Variants in BTBD8 observed in about 807,000 individuals in gnomAD.
BTBD8 encodes BTB domain containing 8.
In BTBD8, 110 loss-of-function variants were observed where a neutral mutation model predicts 162.9. The observed-to-expected ratio is 0.68, with a 90% CI of 0.58 to 0.79. The LOEUF is 0.79. Ranked by LOEUF, BTBD8 falls within the 30% of genes least tolerant of loss-of-function variation. The pLI is 0.00. For missense variants in BTBD8, 1,905 were observed against 2,085.4 expected (o/e 0.91, Z 1.68); for synonymous variants, 667 against 716.1 (o/e 0.93, Z 1.10).
Position 92,176,841 on chromosome 1 carries a change from G to A in BTBD8, c.1648G>A (p.Val550Ile). The A allele has an allele frequency of 1.4e-6, 2 of 1,421,026 alleles. No individual in the cohort carries two copies. The highest frequency in any genetic ancestry group is 1.9e-6 in the Non-Finnish European group (2 of 1,079,318). The allele number at this position is 1,421,026 out of a possible 1,614,324, so 88.0% of individuals were successfully genotyped here. Residue 550 changes from valine to isoleucine, a missense_variant, in exon 14 of 18, where the codon GTT (valine) becomes ATT (isoleucine). Around this residue, in one of 3 missense-constraint regions of BTBD8, gnomAD observed 1,374 missense variants for 1,442.7 expected, o/e 0.95. Coordinates refer to ENST00000636805, the MANE Select transcript of BTBD8 (RefSeq NM_001376131.1). ...TTCTTTTTTATAGCAAAGGAAACAA[G>A]TTTCTGACTCTGGTGATATAAAAAT... ...IFSSSQQRKQ[V>I]SDSGDIKIKS...
chr1:92,124,957 T>C (rs1649313694), intron 4 of BTBD8, among the ~76,000 whole-genome samples: 1 of 152,136 alleles, frequency 6.6e-6, no homozygotes, highest in South Asian at 2.1e-4. Flanking sequence ...TCCCTATTTT[T>C]ATTTTTATTT....
intron 2 of BTBD8, among the ~76,000 whole-genome samples, chr1:92,098,539 T>C (rs1379438474): frequency 6.6e-6 from 1 of 152,204 alleles, no homozygotes; most frequent in Non-Finnish European, 1.5e-5. Flanking sequence ...CACCAGCATG[T>C]ACAAAATTTC....
chr1:92,087,866 C>G (rs1648201098), intron 1 of BTBD8, among the ~76,000 whole-genome samples: 1 of 152,068 alleles, frequency 6.6e-6, no homozygotes, highest in South Asian at 2.1e-4. Flanking sequence ...GAATGCATAC[C>G]TTGCTGATGA....
At chr1:92,141,280 ACT>A in intron 7 of BTBD8, 69 bp downstream of exon 7, 1 of 1,458,670 alleles carries the variant, frequency 6.9e-7, no homozygotes. Flanking sequence ...TAGATTTTTA[ACT>A]CTGATAGTAA....
chr1:92,147,170 T>C lies in BTBD8; in HGVS notation c.931-10T>C. On this transcript the variant is annotated splice_polypyrimidine_tract_variant and intron_variant, in intron 7 of 17. Coordinates refer to ENST00000636805, the MANE Select transcript of BTBD8 (RefSeq NM_001376131.1). ...AAAGGAATAAATATGGTGTTTTCCA[T>C]CAATTTTAGCCTGTTCCCAGAACAT... 1 of 1,574,834 alleles carries C rather than the reference T, an allele frequency of 6.3e-7. No individual in the cohort carries two copies.
At chr1:92,139,753 G>A in intron 6 of BTBD8, 1 of 240,120 alleles carries the variant, frequency 4.2e-6, no homozygotes, top group Middle Eastern at 2.0e-3. Flanking sequence ...TTAAATTTTA[G>A]GATATCTTTT....
At chr1:92,080,757 T>G (rs1434051936) in intron 1 of BTBD8, 37 bp downstream of exon 1, 2 of 1,585,266 alleles carry the variant, frequency 1.3e-6, no homozygotes, top group African/African-American at 2.7e-5. Context: ...CTTCAGTTCC[T>G]AAATCGCCCA....
At chr1:92,123,549 T>G (rs1296422387) in intron 4 of BTBD8, among the ~76,000 whole-genome samples, 1 of 152,124 alleles carries the variant, frequency 6.6e-6, no homozygotes, top group African/African-American at 2.4e-5. Flanking sequence ...GTCTTACACA[T>G]TTTGTTACAT....
At chr1:92,086,812 G>C (rs1334337427) in intron 1 of BTBD8, among the ~76,000 whole-genome samples, 3 of 152,262 alleles carry the variant, frequency 2.0e-5, no homozygotes, top group Admixed American at 2.0e-4. Flanking sequence ...GACTTAGCAA[G>C]AAGGCCCTTG....
chr1:92,139,793 G>T (rs569211), intron 6 of BTBD8: 180,105 of 180,974 alleles, frequency 1, 89,623 homozygotes, highest in Middle Eastern at 1. Flanking sequence ...AAAAAACATA[G>T]TTAAGAATAT....
chr1:92,180,661 A>G lies in BTBD8; in HGVS notation c.2978A>G (p.Asn993Ser). 18 of 1,551,404 alleles carry G rather than the reference A, an allele frequency of 1.2e-5. No homozygotes were observed. Among genetic ancestry groups the G allele is most frequent in the Non-Finnish European group, 1.6e-5 (18 of 1,146,912 alleles). ...SEQKPHKPLI[N>S]LASEISDAEA... Reference sequence around the variant, plus strand: ...CAGAAGCCTCACAAACCTCTCATTAATCTTGCATCTGAAATAAGTGATGCA... The same window carrying G: ...CAGAAGCCTCACAAACCTCTCATTAGTCTTGCATCTGAAATAAGTGATGCA... The change falls in exon 17 of 18, where the codon AAT (asparagine) becomes AGT (serine). Residue 993 changes from asparagine (N) to serine (S), a missense_variant. Asn to Ser is a conservative substitution (Grantham distance 46). This residue lies in a region of BTBD8 where 1,374 missense variants were observed against 1,442.7 expected (regional missense o/e 0.95). Coordinates refer to ENST00000636805, the MANE Select transcript of BTBD8 (RefSeq NM_001376131.1).
Position 92,180,697 on chromosome 1 carries a change from A to G in BTBD8, c.3014A>G (p.Gln1005Arg). The change falls in exon 17 of 18, where the codon CAG becomes CGG. Residue 1005 changes from glutamine (Q) to arginine (R), a missense_variant. Physicochemically the swap from Gln to Arg is conservative, Grantham distance 43. This residue lies in a region of BTBD8 where 1,374 missense variants were observed against 1,442.7 expected (regional missense o/e 0.95). Coordinates refer to ENST00000636805, the MANE Select transcript of BTBD8 (RefSeq NM_001376131.1). ...GAAATAAGTGATGCAGAAGCACTCC[A>G]GTCATCCTGCAGGCCTGACCCACAA... Reference protein sequence around the residue: ...ASEISDAEALQSSCRPDPQKP... With the variant: ...ASEISDAEALRSSCRPDPQKP... The G allele has an allele frequency of 6.4e-7, 1 of 1,551,676 alleles. No individual in the cohort carries two copies. Among genetic ancestry groups the G allele is most frequent in the South Asian group, 1.2e-5 (1 of 84,050 alleles).
intron 10 of BTBD8, 74 bp downstream of exon 10, chr1:92,167,214 A>C: frequency 1.3e-6 from 2 of 1,495,060 alleles, no homozygotes; most frequent in Non-Finnish European, 1.8e-6. Context: ...AGAGCTTTTA[A>C]ATGCAGGTTG....
At chr1:92,159,301 A>G (rs1018497704) in intron 9 of BTBD8, among the ~76,000 whole-genome samples, 1 of 151,804 alleles carries the variant, frequency 6.6e-6, no homozygotes, top group Admixed American at 6.6e-5. Context: ...CAGCCTCCCA[A>G]GTAGCTGGGA....
intron 5 of BTBD8, among the ~76,000 whole-genome samples, chr1:92,135,807 T>G (rs116030621): frequency 0.012 from 1,765 of 152,292 alleles, 38 homozygotes; most frequent in African/African-American, 0.038. Flanking sequence ...TTATTTTTAT[T>G]TAGTCATTAT....
intron 4 of BTBD8, among the ~76,000 whole-genome samples, chr1:92,129,099 T>G (rs924164109): frequency 6.6e-6 from 1 of 152,070 alleles, no homozygotes; most frequent in African/African-American, 2.4e-5. Context: ...TGTCTTTAGC[T>G]ACCTTTTTAT....
chr1:92,109,023 G>A (rs2101908597), intron 4 of BTBD8, among the ~76,000 whole-genome samples: 1 of 152,212 alleles, frequency 6.6e-6, no homozygotes, highest in South Asian at 2.1e-4. Context: ...TACAACCCAA[G>A]GATTGCTAGT....
chr1:92,104,149 A>G lies in BTBD8; in HGVS notation c.544+1480A>G, dbSNP rs554261119. Among the ~76,000 whole-genome samples the G allele has an allele frequency of 8.5e-5, 13 of 152,354 alleles. No homozygotes were observed. In the South Asian group the frequency reaches 2.3e-3, roughly 27 times the overall value. ...TTATGCTCAAATTGTTCCCTAATACATGAATTGTATTGGATCAAACTCATT... is the reference window on the plus strand; with the variant it reads ...TTATGCTCAAATTGTTCCCTAATACGTGAATTGTATTGGATCAAACTCATT... On this transcript the variant is annotated intron_variant, in intron 3 of 17. Transcript: ENST00000636805.
intron 7 of BTBD8, among the ~76,000 whole-genome samples, chr1:92,145,340 T>C (rs1649886181): frequency 6.6e-6 from 1 of 152,128 alleles, no homozygotes; most frequent in Non-Finnish European, 1.5e-5. Context: ...TAGCAATTCA[T>C]AAATAAAGAG....
Sources: allele counts gnomAD v4.1 joint callset (sites outside exome capture counted in the v4.1 genomes callset), GRCh38; gene constraint gnomAD v4.1.1; regional missense constraint gnomAD v4.1.1; transcripts MANE v1.5; gene names NCBI Gene and HGNC (gene_info 2026-07-23, HGNC 2026-07-21).